The following NRXN1 variants were observed in gnomAD, a reference collection of about 807,000 sequenced individuals.
NRXN1 encodes the protein neurexin 1.
NRXN1 carries 39 observed loss-of-function variants against 150.9 expected under a neutral mutation model. That is an observed-to-expected ratio of 0.26 (90% confidence interval 0.20 to 0.34). The LOEUF (loss-of-function observed/expected upper bound fraction) is 0.34. Among genes scored for constraint, NRXN1 ranks in the 10% least tolerant of loss-of-function variants. NRXN1 has a pLI of 1.00. For missense variants in NRXN1, 1,815 were observed against 1,949.9 expected, an observed-to-expected ratio of 0.93 and a Z score of 1.30; for synonymous variants, 924 against 757.0, an observed-to-expected ratio of 1.22 and a Z score of -3.62.
intron 8 of NRXN1, chr2:50,616,546 T>G (rs886635664): frequency 6.6e-6 from 1 of 152,186 alleles, no homozygotes; most frequent in East Asian, 1.9e-4. Flanking sequence ...TTTTTATGCC[T>G]TGAATGCCAT....
rs571549060 is a variant in NRXN1, at chr2:50,722,554, C to T, written c.833-98939G>A. ...CTGTAAAATAAAAGCAATATAATTT[C>T]ATTTAAAAATATATTGGAAGAGTGA... On this transcript the variant is annotated intron_variant, in intron 5 of 22. Transcript: ENST00000401669. 5.3e-5 allele frequency among the ~76,000 whole-genome samples: 8 copies of T among 152,122 alleles called. No individual in the cohort carries two copies. The South Asian group carries it at 1.7e-3, about 32-fold the overall frequency.
chr2:50,594,428 C>T (rs980639240), intron 8 of NRXN1, among the ~76,000 whole-genome samples: 2 of 152,034 alleles, frequency 1.3e-5, no homozygotes, highest in African/African-American at 2.4e-5. Flanking sequence ...TGTCGGGGAA[C>T]CTTTAACACC....
In NRXN1 at chr2:50,399,309, T is replaced by A. The variant is rs138435826; in HGVS notation, c.3364+66133A>T. On this transcript the variant is annotated intron_variant, in intron 17 of 22. Transcript: ENST00000401669. ...ATATAAGAATGGGTTACTTGCATTA[T>A]TTTTTACTTTTCCATTCTTGATCAA... Among the ~76,000 whole-genome samples the A allele has an allele frequency of 1.4e-4, 21 of 152,252 alleles. No homozygotes were observed. The East Asian group carries it at 4.1e-3, about 29-fold the overall frequency.
At position 51,028,142 on chromosome 2, in the gene NRXN1, G is replaced by T. The variant is rs1160910549; in HGVS notation, c.132C>A (p.Pro44=). Residue 44 remains proline (P), a synonymous_variant, in exon 2 of 23, where the codon CCC becomes CCA. Transcript: ENST00000401669. ...PGAEGQWTRF[P]KWNACCESEM... is the part of the protein sequence containing the mutation. ...CGCTCTCGCAGCAGGCGTTCCACTTGGGGAAGCGCGTCCATTGGCCCTCGG... is the reference window on the plus strand; with the variant it reads ...CGCTCTCGCAGCAGGCGTTCCACTTTGGGAAGCGCGTCCATTGGCCCTCGG... 1.3e-6 allele frequency: 2 copies of T among 1,551,578 alleles called. No homozygotes were observed. The highest frequency in any genetic ancestry group is 1.7e-6 in the Non-Finnish European group (2 of 1,151,562).
At chr2:50,630,033 A>G (rs959651655) in intron 5 of NRXN1, among the ~76,000 whole-genome samples, 3 of 151,764 alleles carry the variant, frequency 2.0e-5, no homozygotes, top group African/African-American at 7.2e-5. Context: ...AATAGTCTAC[A>G]ACAATTGATT....
chr2:50,224,424 G>A (rs925422819), intron 18 of NRXN1, among the ~76,000 whole-genome samples: 8 of 151,840 alleles, frequency 5.3e-5, no homozygotes, highest in African/African-American at 1.9e-4. Context: ...ATCAGTGTGT[G>A]TTCCACAGTA....
intron 18 of NRXN1, among the ~76,000 whole-genome samples, chr2:50,232,602 G>C (rs1307501473): frequency 6.6e-6 from 1 of 151,758 alleles, no homozygotes; most frequent in Non-Finnish European, 1.5e-5. Context: ...GGCTAGCATA[G>C]TCTCCATCTC....
chr2:50,363,911 TA>T (rs1344704490), intron 17 of NRXN1, among the ~76,000 whole-genome samples: 1 of 152,036 alleles, frequency 6.6e-6, no homozygotes, highest in South Asian at 2.1e-4. Context: ...TATGCAGCCA[TA>T]AAAAAGAATG....
chr2:50,121,791 G>C (rs1274465370), intron 18 of NRXN1, among the ~76,000 whole-genome samples: 2 of 152,174 alleles, frequency 1.3e-5, no homozygotes, highest in Non-Finnish European at 1.5e-5. Flanking sequence ...GGATTAGCGA[G>C]ATTGAATCAT....
chr2:50,651,516 T>A (rs944773553), intron 5 of NRXN1, among the ~76,000 whole-genome samples: 1 of 151,572 alleles, frequency 6.6e-6, no homozygotes, highest in Admixed American at 6.6e-5. Context: ...TGACATAACA[T>A]GACATAACAT....
intron 5 of NRXN1, among the ~76,000 whole-genome samples, chr2:50,698,510 G>A (rs752029508): frequency 1.3e-5 from 2 of 152,138 alleles, no homozygotes; most frequent in Non-Finnish European, 2.9e-5. Flanking sequence ...ATTTTAACAT[G>A]CAACATGCAA....
intron 17 of NRXN1, among the ~76,000 whole-genome samples, chr2:50,370,403 A>T (rs1185641895): frequency 6.6e-6 from 1 of 151,992 alleles, no homozygotes; most frequent in African/African-American, 2.4e-5. Flanking sequence ...GATGCTCACA[A>T]ATGTTTGCTA....
At chr2:50,461,056 A>G (rs1443596872) in intron 17 of NRXN1, among the ~76,000 whole-genome samples, 2 of 152,052 alleles carry the variant, frequency 1.3e-5, no homozygotes, top group Admixed American at 6.6e-5. Flanking sequence ...ATTAGTTCAT[A>G]TATTGATGCT....
chr2:49,930,299 T>C (rs1669893892), intron 22 of NRXN1, among the ~76,000 whole-genome samples: 1 of 152,116 alleles, frequency 6.6e-6, no homozygotes, highest in Non-Finnish European at 1.5e-5. Context: ...AGCCATAATA[T>C]CATTAACAAA....
chr2:50,893,206 C>G (rs1365773759), intron 5 of NRXN1, among the ~76,000 whole-genome samples: 1 of 152,032 alleles, frequency 6.6e-6, no homozygotes, highest in Admixed American at 6.6e-5. Flanking sequence ...CCTGGAGCAC[C>G]CAGCTGTCAC....
rs1335812010 is a variant in NRXN1 at position 49,986,272 on chromosome 2, A to G, written c.4129-42481T>C. Among the ~76,000 whole-genome samples the G allele has an allele frequency of 5.9e-5, 9 of 152,320 alleles. No homozygotes were observed. In the South Asian group the frequency reaches 1.0e-3, roughly 18 times the overall value. On this transcript the variant is annotated intron_variant, in intron 21 of 22. Coordinates refer to ENST00000401669, the MANE Select transcript of NRXN1 (RefSeq NM_001330078.2). Reference sequence around the variant, plus strand: ...AAAAATAATTGAAAACTCCAAAGACATACATATTGTTTATGTAGATTACAT... The same window carrying G: ...AAAAATAATTGAAAACTCCAAAGACGTACATATTGTTTATGTAGATTACAT...
At position 50,411,044 on chromosome 2, in the gene NRXN1, C is replaced by G. The variant is rs543605677; in HGVS notation, c.3364+54398G>C. Among the ~76,000 whole-genome samples the G allele has an allele frequency of 5.3e-5, 8 of 151,988 alleles. No homozygotes were observed. In the East Asian group the frequency reaches 1.6e-3, roughly 30 times the overall value. On this transcript the variant is annotated intron_variant, in intron 17 of 22. Transcript: ENST00000401669. Reference sequence around the variant, plus strand: ...AAAAATAATCTCCCTCTCCCTCTCCCCCTCCCCGTCCCTCTCCCTCTCCTC... The same window carrying G: ...AAAAATAATCTCCCTCTCCCTCTCCGCCTCCCCGTCCCTCTCCCTCTCCTC...
intron 5 of NRXN1, among the ~76,000 whole-genome samples, chr2:50,730,218 A>G (rs2105192561): frequency 1.3e-5 from 2 of 152,276 alleles, no homozygotes; most frequent in South Asian, 4.1e-4. Context: ...CAACTCAGAG[A>G]AATGCTTTTT....
At chr2:50,752,060 C>A (rs1700654839) in intron 5 of NRXN1, among the ~76,000 whole-genome samples, 2 of 152,006 alleles carry the variant, frequency 1.3e-5, no homozygotes, top group Admixed American at 1.3e-4. Flanking sequence ...GGTGTTATTT[C>A]ACGTGCAGGC....
Sources: allele counts gnomAD v4.1 joint callset (sites outside exome capture counted in the v4.1 genomes callset), GRCh38; gene constraint gnomAD v4.1.1; transcripts MANE v1.5; gene names NCBI Gene and HGNC (gene_info 2026-07-23, HGNC 2026-07-21).